The following LRMDA variants were observed in gnomAD, a reference collection of about 807,000 sequenced individuals.
LRMDA encodes leucine rich melanocyte differentiation associated.
LRMDA carries 18 observed loss-of-function variants against 29.8 expected under a neutral mutation model. That is an observed-to-expected ratio of 0.60 (90% CI 0.42 to 0.90). The LOEUF is 0.90. LRMDA is among the 40% of genes least tolerant of loss of function. The probability of loss-of-function intolerance (pLI) is 0.00; values close to 1 mark genes in which losing one functional copy is unlikely to be tolerated. For missense variants in LRMDA, 273 were observed against 273.9 expected (o/e 1.00, Z 0.02); for synonymous variants, 125 against 109.4 (o/e 1.14, Z -0.89).
At chr10:76,453,574 C>T (rs1564545925) in intron 6 of LRMDA, among the ~76,000 whole-genome samples, 1 of 152,204 alleles carries the variant, frequency 6.6e-6, no homozygotes, top group Non-Finnish European at 1.5e-5. Context: ...TCTAGTCTTA[C>T]ATTGTTAATG....
At chr10:75,667,394 T>A (rs1400960028) in intron 2 of LRMDA, among the ~76,000 whole-genome samples, 2 of 152,162 alleles carry the variant, frequency 1.3e-5, no homozygotes, top group Non-Finnish European at 2.9e-5. Context: ...AGTCTTAACC[T>A]CCCCAGTGAT....
chr10:75,975,128 A>G (rs1847047510), intron 2 of LRMDA, among the ~76,000 whole-genome samples: 1 of 152,192 alleles, frequency 6.6e-6, no homozygotes, highest in Non-Finnish European at 1.5e-5. Context: ...ATTTTACTGA[A>G]TCCTGCATGG....
chr10:75,787,031 A>G (rs1342116169), intron 2 of LRMDA, among the ~76,000 whole-genome samples: 2 of 152,148 alleles, frequency 1.3e-5, no homozygotes, highest in East Asian at 3.9e-4. Flanking sequence ...TGAAGCCCCC[A>G]CTAGATTTGT....
At chr10:75,692,220 ATAT>A (rs1410059811) in intron 2 of LRMDA, among the ~76,000 whole-genome samples, 7,438 of 61,026 alleles carry the variant, frequency 0.12, 295 homozygotes, top group Non-Finnish European at 0.18. Context: ...AAAAAAAAAA[ATAT>A]ATATATATAT....
chr10:76,527,995 C>T (rs758017182), intron 6 of LRMDA, among the ~76,000 whole-genome samples: 1 of 152,076 alleles, frequency 6.6e-6, no homozygotes, highest in Non-Finnish European at 1.5e-5. Flanking sequence ...TAACCAAATG[C>T]TTAAAAAGTA....
chr10:76,436,181 G>A (rs1239770128), intron 6 of LRMDA, among the ~76,000 whole-genome samples: 5 of 152,270 alleles, frequency 3.3e-5, no homozygotes, highest in South Asian at 4.1e-4. Flanking sequence ...GATGAGTAGA[G>A]GTTGGTGGCA....
At chr10:75,907,113 C>T (rs1308718464) in intron 2 of LRMDA, among the ~76,000 whole-genome samples, 3 of 152,032 alleles carry the variant, frequency 2.0e-5, no homozygotes, top group Non-Finnish European at 4.4e-5. Context: ...TGAAAAGAGT[C>T]ATAGGAGAGA....
chr10:76,315,903 C>T (rs1840690983), intron 5 of LRMDA, among the ~76,000 whole-genome samples: 1 of 152,108 alleles, frequency 6.6e-6, no homozygotes, highest in Admixed American at 6.5e-5. Context: ...TAGACACCCT[C>T]CCCACTCCAA....
At chr10:75,799,364 C>T (rs572777789) in intron 2 of LRMDA, among the ~76,000 whole-genome samples, 1 of 152,254 alleles carries the variant, frequency 6.6e-6, no homozygotes, top group East Asian at 1.9e-4. Flanking sequence ...TCAGTGTAGC[C>T]ATACCACTTT....
At chr10:75,916,193 T>TGTGTGTGGGTGTGTGG in intron 2 of LRMDA, among the ~76,000 whole-genome samples, 1 of 140,154 alleles carries the variant, frequency 7.1e-6, no homozygotes, top group East Asian at 2.1e-4. Context: ...TGTGTGTGTG[T>TGTGTGTGGGTGTGTGG]GTGGGTGGGT....
At position 75,869,297 on chromosome 10, in the gene LRMDA, G is replaced by A. The variant is rs117882588; in HGVS notation, c.132-166711G>A. On this transcript the variant is annotated intron_variant, in intron 2 of 6. Coordinates refer to ENST00000611255, the MANE Select transcript of LRMDA (RefSeq NM_001305581.2). Reference sequence around the variant, plus strand: ...TACAGATGGTTAATAATGAAGTTGAGACTGGAGCCTAGTTCTGGTTACCAT... The same window carrying A: ...TACAGATGGTTAATAATGAAGTTGAAACTGGAGCCTAGTTCTGGTTACCAT... Among the ~76,000 whole-genome samples, 4 of 152,270 alleles carry A rather than the reference G, an allele frequency of 2.6e-5. No homozygotes were observed. The East Asian group carries it at 7.7e-4, about 29-fold the overall frequency.
chr10:75,773,514 G>A (rs999847659), intron 2 of LRMDA, among the ~76,000 whole-genome samples: 16 of 152,256 alleles, frequency 1.1e-4, no homozygotes, highest in African/African-American at 2.4e-4. Flanking sequence ...CCTGGGGGAC[G>A]CCAATGAAGC....
At chr10:75,834,727 T>C (rs1330987756) in intron 2 of LRMDA, among the ~76,000 whole-genome samples, 1 of 152,202 alleles carries the variant, frequency 6.6e-6, no homozygotes, top group African/African-American at 2.4e-5. Context: ...TCTTCCAGTG[T>C]CCAGTGATAT....
intron 2 of LRMDA, among the ~76,000 whole-genome samples, chr10:75,707,153 C>G (rs946150754): frequency 6.6e-6 from 1 of 152,144 alleles, no homozygotes; most frequent in Non-Finnish European, 1.5e-5. Context: ...GTGTGTATAC[C>G]TCTGGAGGAG....
intron 6 of LRMDA, among the ~76,000 whole-genome samples, chr10:76,428,833 C>T (rs1013216546): frequency 2.0e-5 from 3 of 152,044 alleles, no homozygotes; most frequent in African/African-American, 7.2e-5. Flanking sequence ...CTCTGCCAGG[C>T]AAAGCAAGAG....
At chr10:76,539,966 G>A (rs555251430) in intron 6 of LRMDA, among the ~76,000 whole-genome samples, 50 of 150,466 alleles carry the variant, frequency 3.3e-4, no homozygotes, top group African/African-American at 1.1e-3. Context: ...CTGATTTGGC[G>A]TAATGATATC....
At chr10:76,211,981 T>G (rs1307538623) in intron 5 of LRMDA, among the ~76,000 whole-genome samples, 1 of 152,156 alleles carries the variant, frequency 6.6e-6, no homozygotes, top group African/African-American at 2.4e-5. Context: ...TCCTTAACTC[T>G]ACATCCTACA....
intron 6 of LRMDA, among the ~76,000 whole-genome samples, chr10:76,329,384 G>T (rs1382475198): frequency 2.0e-5 from 3 of 152,158 alleles, no homozygotes; most frequent in Non-Finnish European, 4.4e-5. Flanking sequence ...TGCAAGCCTA[G>T]TGAATGTCCC....
chr10:76,215,040 A>G (rs914396271), intron 5 of LRMDA, among the ~76,000 whole-genome samples: 1 of 152,192 alleles, frequency 6.6e-6, no homozygotes, highest in Non-Finnish European at 1.5e-5. Context: ...CAGAAACCAA[A>G]TTCCGAAATA....
Sources: allele counts gnomAD v4.1 joint callset (sites outside exome capture counted in the v4.1 genomes callset), GRCh38; gene constraint gnomAD v4.1.1; transcripts MANE v1.5; gene names NCBI Gene and HGNC (gene_info 2026-07-23, HGNC 2026-07-21).